The following RIC3 variants were observed in gnomAD, a reference collection of about 807,000 sequenced individuals.
RIC3 encodes protein RIC-3.
In RIC3, 28 loss-of-function variants were observed where a neutral mutation model predicts 27.3. The observed-to-expected ratio is 1.02, with a 90% CI of 0.76 to 1.41. The LOEUF (loss-of-function observed/expected upper bound fraction) is 1.41. RIC3 is among the 40% of genes most tolerant of loss of function. The pLI, the probability that RIC3 is intolerant of heterozygous loss-of-function variation, is 0.00. For missense variants in RIC3, 501 were observed against 444.7 expected, an observed-to-expected ratio of 1.13 and a Z score of -1.14; for synonymous variants, 184 against 160.4, an observed-to-expected ratio of 1.15 and a Z score of -1.11.
At chr11:8,147,111 C>T (rs1448620018) in intron 1 of RIC3, among the ~76,000 whole-genome samples, 1 of 152,166 alleles carries the variant, frequency 6.6e-6, no homozygotes, top group Non-Finnish European at 1.5e-5. Flanking sequence ...GCAACCATTC[C>T]TCTCTCACCT....
rs1404924119 is a variant in RIC3, at chr11:8,108,261, T to C, written c.*2437A>G. On this transcript the variant is annotated 3_prime_UTR_variant, in exon 6 of 6. Transcript: ENST00000309737. The stretch of plus-strand genomic sequence containing the variant: ...TGTATTTTCACACCCTACTGCTTTT[T>C]TCAACAACTCTTTCTGCCAAGAGTG... 1 of 152,190 alleles carries C rather than the reference T, an allele frequency of 6.6e-6. No homozygotes were observed. The highest frequency in any genetic ancestry group is 1.5e-5 in the Non-Finnish European group (1 of 68,036). 9.4% of individuals were successfully genotyped at this position (152,190 alleles called of 1,614,324 possible).
the RIC3 span, chr11:8,098,919 G>A: frequency 2.1e-6 from 3 of 1,422,074 alleles, no homozygotes; most frequent in South Asian, 3.5e-5. Context: ...AGGTAGATAT[G>A]AAATCCAGGA....
intron 1 of RIC3, among the ~76,000 whole-genome samples, chr11:8,148,886 A>G (rs1481890399): frequency 6.6e-6 from 1 of 151,980 alleles, no homozygotes; most frequent in Admixed American, 6.6e-5. Flanking sequence ...TTTCTTTAAA[A>G]AAAAGAGGAG....
In RIC3 at chr11:8,110,924, G is replaced by A. The variant is rs751315626; in HGVS notation, c.884C>T (p.Ser295Leu). The A allele has an allele frequency of 1.8e-5, 29 of 1,614,042 alleles. No homozygotes were observed. The highest frequency in any genetic ancestry group is 5.3e-5 in the African/African-American group (4 of 74,920). The stretch of plus-strand genomic sequence containing the variant: ...ACATGTTTCTGGCTTTGGATCACAC[G>A]AGGTAACAGAATTATCTTCCTGGGC... Reference protein sequence around the residue: ...PRAQEDNSVTSCDPKPETCSC... With the variant: ...PRAQEDNSVTLCDPKPETCSC... The change falls in exon 6 of 6, where the codon TCG (serine) becomes TTG (leucine). Residue 295 changes from serine (S) to leucine (L), a missense_variant. Ser to Leu is a moderately radical substitution (Grantham distance 145, BLOSUM62 -2). Coordinates refer to ENST00000309737, the MANE Select transcript of RIC3 (RefSeq NM_001206671.4).
chr11:8,135,113 T>C (rs1049369088), intron 4 of RIC3, among the ~76,000 whole-genome samples: 28 of 152,364 alleles, frequency 1.8e-4, no homozygotes, highest in African/African-American at 6.7e-4. Context: ...TTTATGGTTT[T>C]AGGTCTAACA....
chr11:8,106,149 G>GT lies in RIC3; in HGVS notation c.*4548dup, dbSNP rs1456230771. 5 of 152,126 alleles carry GT rather than the reference G, an allele frequency of 3.3e-5. No individual in the cohort carries two copies. The highest frequency in any genetic ancestry group is 2.6e-4 in the Admixed American group (4 of 15,280). The allele number at this position is 152,126 out of a possible 1,614,324, so 9.4% of individuals were successfully genotyped here. A position where few individuals can be genotyped will look rare whatever the true frequency, so the allele number is the denominator to read the frequency against. On this transcript the variant is annotated 3_prime_UTR_variant, in exon 6 of 6. Coordinates refer to ENST00000309737, the MANE Select transcript of RIC3 (RefSeq NM_001206671.4). Reference sequence around the variant, plus strand: ...ATTGGTATGTGCAATGACAAACTTGGTATTTTCCCATGTTGACATTATGTA... The same window carrying GT: ...ATTGGTATGTGCAATGACAAACTTGGTTATTTTCCCATGTTGACATTATGTA...
the RIC3 span, chr11:8,100,810 G>A: frequency 6.2e-7 from 1 of 1,613,118 alleles, no homozygotes; most frequent in Non-Finnish European, 8.5e-7. Flanking sequence ...TGGCTCAGGT[G>A]AGGCTGCCCT....
At chr11:8,160,739 C>T (rs1044175660) in intron 1 of RIC3, among the ~76,000 whole-genome samples, 2 of 152,210 alleles carry the variant, frequency 1.3e-5, no homozygotes, top group Non-Finnish European at 2.9e-5. Flanking sequence ...CATGAACTGT[C>T]TTAGATATGC....
At chr11:8,152,873 A>G (rs1950359387) in intron 1 of RIC3, among the ~76,000 whole-genome samples, 1 of 152,114 alleles carries the variant, frequency 6.6e-6, no homozygotes, top group South Asian at 2.1e-4. Flanking sequence ...TTCTCCAGGA[A>G]GCTCATCCTA....
At chr11:8,155,843 C>G (rs1950613316) in intron 1 of RIC3, among the ~76,000 whole-genome samples, 1 of 152,136 alleles carries the variant, frequency 6.6e-6, no homozygotes, top group African/African-American at 2.4e-5. Flanking sequence ...CCAAGCTTTT[C>G]CCTAAATATT....
rs930190508 is a variant in RIC3, at chr11:8,108,659, C to G, written c.*2039G>C. ...CTCATGTTTCTCTGCCTGCAGGATT[C>G]ACGATCCTGAGCCCTCTTACAGGGT... is the stretch of plus-strand genomic sequence containing the variant. On this transcript the variant is annotated 3_prime_UTR_variant, in exon 6 of 6. Coordinates refer to ENST00000309737, the MANE Select transcript of RIC3 (RefSeq NM_001206671.4). 1.3e-5 allele frequency: 2 copies of G among 152,194 alleles called. No homozygotes were observed. Among genetic ancestry groups the G allele is most frequent in the South Asian group, 4.1e-4 (2 of 4,832 alleles). The allele number at this position is 152,194 out of a possible 1,614,324, so 9.4% of individuals were successfully genotyped here.
chr11:8,099,488 G>A, the RIC3 span, among the ~76,000 whole-genome samples: 12,672 of 152,212 alleles, frequency 0.083, 764 homozygotes, highest in African/African-American at 0.16. Context: ...TGATCCTGTG[G>A]TGCCACCTGC....
chr11:8,148,540 C>CA (rs915672786), intron 1 of RIC3, among the ~76,000 whole-genome samples: 11 of 151,914 alleles, frequency 7.2e-5, no homozygotes, highest in African/African-American at 1.2e-4. Context: ...TGGCATAAAA[C>CA]AAAAAAATTA....
At chr11:8,102,852 TC>T (rs1364437550), downstream of RIC3, 3 of 152,200 alleles carry the variant, frequency 2.0e-5, no homozygotes, top group Non-Finnish European at 4.4e-5. Flanking sequence ...ATTCAGAACT[TC>T]AAGTTCTCTT....
chr11:8,142,923 A>C (rs1228780998), intron 1 of RIC3, among the ~76,000 whole-genome samples: 1 of 88,930 alleles, frequency 1.1e-5, no homozygotes, highest in East Asian at 3.2e-4. Flanking sequence ...CCAAAGACAA[A>C]AACCACAGGA....
intron 1 of RIC3, among the ~76,000 whole-genome samples, chr11:8,159,779 T>C (rs1426927637): frequency 1.3e-5 from 2 of 152,026 alleles, no homozygotes; most frequent in Non-Finnish European, 2.9e-5. Flanking sequence ...TCATCTGAGG[T>C]CAAGGGTTCG....
intron 1 of RIC3, among the ~76,000 whole-genome samples, chr11:8,162,449 C>T (rs1436291746): frequency 6.6e-6 from 1 of 152,106 alleles, no homozygotes; most frequent in Non-Finnish European, 1.5e-5. Flanking sequence ...GGTGTCCTTT[C>T]TAAAACCAGG....
intron 4 of RIC3, among the ~76,000 whole-genome samples, chr11:8,130,300 G>C (rs1303020564): frequency 6.6e-6 from 1 of 152,198 alleles, no homozygotes; most frequent in Non-Finnish European, 1.5e-5. Flanking sequence ...TTTGGACCTT[G>C]AACACAGTGA....
At chr11:8,143,579 G>A (rs371458153) in intron 1 of RIC3, among the ~76,000 whole-genome samples, 6 of 144,156 alleles carry the variant, frequency 4.2e-5, no homozygotes, top group South Asian at 2.3e-4. Flanking sequence ...GGAAGAATCA[G>A]TATCGTGAAA....
Sources: gnomAD v4.1 joint callset for allele counts (sites outside exome capture counted in the v4.1 genomes callset) on GRCh38, gnomAD v4.1.1 for gene constraint, MANE v1.5 for transcripts, NCBI Gene and HGNC (gene_info 2026-07-23, HGNC 2026-07-21) for gene names.